Variants in UVRAG observed in about 807,000 individuals in gnomAD.
The protein encoded by UVRAG is UV radiation resistance associated.
UVRAG carries 19 observed loss-of-function variants against 78.0 expected under a neutral mutation model. That is an observed-to-expected ratio of 0.24 (90% CI 0.17 to 0.36). UVRAG has a LOEUF of 0.36. Among genes scored for constraint, UVRAG ranks in the 10% least tolerant of loss-of-function variants. The probability of loss-of-function intolerance (pLI) is 1.00; values close to 1 mark genes in which losing one functional copy is unlikely to be tolerated. For missense variants in UVRAG, 740 were observed against 853.8 expected, an observed-to-expected ratio of 0.87 and a Z score of 1.66; for synonymous variants, 323 against 324.6, an observed-to-expected ratio of 1.00 and a Z score of 0.05.
chr11:76,065,446 C>A (rs997320458), intron 12 of UVRAG, among the ~76,000 whole-genome samples: 3 of 152,210 alleles, frequency 2.0e-5, no homozygotes, highest in African/African-American at 7.2e-5. Context: ...GTGGCCTCAA[C>A]TCCTTGGGGT....
chr11:75,996,381 A>G (rs764378022), intron 8 of UVRAG, among the ~76,000 whole-genome samples: 15 of 152,108 alleles, frequency 9.9e-5, no homozygotes, highest in Non-Finnish European at 1.5e-4. Context: ...ATTTATTCAT[A>G]ATTTGTGGAA....
chr11:75,916,330 G>T (rs1339478886), intron 6 of UVRAG: 1 of 152,076 alleles, frequency 6.6e-6, no homozygotes, highest in African/African-American at 2.4e-5. Flanking sequence ...CTTCTATTAG[G>T]AATATTGTTA....
chr11:75,909,852 A>G (rs2135019941), intron 5 of UVRAG, among the ~76,000 whole-genome samples: 1 of 152,212 alleles, frequency 6.6e-6, no homozygotes, highest in East Asian at 1.9e-4. Flanking sequence ...TTGGTGTATA[A>G]TTTCCTTTGT....
In UVRAG at chr11:76,010,828, G is replaced by A. The variant is rs1258454804; in HGVS notation, c.1060+1961G>A. 3.3e-5 allele frequency among the ~76,000 whole-genome samples: 5 copies of A among 152,148 alleles called. No individual in the cohort carries two copies. The South Asian group carries it at 6.2e-4, about 19-fold the overall frequency. On this transcript the variant is annotated intron_variant, in intron 11 of 14. Transcript: ENST00000356136. ...GCATAGTGAGCGAGGGAAGAGCTAC[G>A]TTAGAAGAGGTAGGAGAGGGCAGCC...
At chr11:76,116,696 G>A (rs1952187304) in intron 14 of UVRAG, among the ~76,000 whole-genome samples, 2 of 152,200 alleles carry the variant, frequency 1.3e-5, no homozygotes, top group Non-Finnish European at 2.9e-5. Flanking sequence ...CTTGGGTAGT[G>A]GGCAGTAACT....
rs1217410221 is a variant in UVRAG, at chr11:75,837,089, G to T, written c.118-14794G>T. 2.9e-3 allele frequency among the ~76,000 whole-genome samples: 446 copies of T among 152,212 alleles called. 6 individuals are homozygous for T. In the East Asian group the frequency reaches 0.073, roughly 25 times the overall value. On this transcript the variant is annotated intron_variant, in intron 1 of 14. Coordinates refer to ENST00000356136, the MANE Select transcript of UVRAG (RefSeq NM_003369.4). ...TCACGCCTGTAATCCCAGCACTTTG[G>T]GAGGCCAAGGTGGGTGGATCCTGAG...
At chr11:75,951,325 ATGTGTG>A (rs71036071) in intron 6 of UVRAG, among the ~76,000 whole-genome samples, 10,077 of 149,484 alleles carry the variant, frequency 0.067, 418 homozygotes, top group African/African-American at 0.12. Context: ...ATAATCTGAA[ATGTGTG>A]TGTGTGTGTG....
intron 2 of UVRAG, among the ~76,000 whole-genome samples, chr11:75,853,811 T>C (rs1446261464): frequency 6.6e-6 from 1 of 152,114 alleles, no homozygotes; most frequent in Non-Finnish European, 1.5e-5. Flanking sequence ...CTCGCTCCGT[T>C]GCCCAGGCTG....
chr11:75,979,930 C>G (rs572118762), intron 7 of UVRAG: 2 of 153,294 alleles, frequency 1.3e-5, no homozygotes, highest in Non-Finnish European at 2.9e-5. Context: ...CCCGGCACCT[C>G]AATTGGAAAT....
intron 6 of UVRAG, among the ~76,000 whole-genome samples, chr11:75,949,870 T>C (rs1195389478): frequency 6.6e-6 from 1 of 152,028 alleles, no homozygotes; most frequent in Non-Finnish European, 1.5e-5. Flanking sequence ...TATAGAGTAT[T>C]TTCATTATCC....
intron 1 of UVRAG, among the ~76,000 whole-genome samples, chr11:75,830,576 T>C (rs1346004410): frequency 6.6e-6 from 1 of 152,012 alleles, no homozygotes; most frequent in Non-Finnish European, 1.5e-5. Flanking sequence ...CGGCCGTAAG[T>C]ATTCTTTAAT....
intron 13 of UVRAG, among the ~76,000 whole-genome samples, chr11:76,066,693 G>A (rs972128972): frequency 2.6e-5 from 4 of 152,030 alleles, no homozygotes; most frequent in Admixed American, 6.5e-5. Flanking sequence ...AGATGGTCTC[G>A]ATCTGCTGAC....
chr11:76,092,407 C>T (rs1488062156), intron 13 of UVRAG, among the ~76,000 whole-genome samples: 2 of 152,148 alleles, frequency 1.3e-5, no homozygotes, highest in Admixed American at 6.5e-5. Context: ...CTTGAGGAAT[C>T]GCCACACTGT....
At chr11:75,877,455 C>CG (rs941396447) in intron 3 of UVRAG, among the ~76,000 whole-genome samples, 1 of 150,686 alleles carries the variant, frequency 6.6e-6, no homozygotes. Flanking sequence ...ACCTCCCGGA[C>CG]GGGGGGTGAC....
chr11:75,946,603 G>A (rs1948593353), intron 6 of UVRAG, among the ~76,000 whole-genome samples: 1 of 152,134 alleles, frequency 6.6e-6, no homozygotes, highest in South Asian at 2.1e-4. Flanking sequence ...TGGAGCTCAG[G>A]GTCCTTGTTT....
chr11:75,924,409 G>A (rs534685768), intron 6 of UVRAG, among the ~76,000 whole-genome samples: 113 of 149,918 alleles, frequency 7.5e-4, no homozygotes, highest in Non-Finnish European at 1.2e-3. Flanking sequence ...TTTTTGTGAC[G>A]GAGTCTCGCT....
rs115126616 is a variant in UVRAG at position 75,994,517 on chromosome 11, A to T, written c.827-9488A>T. On this transcript the variant is annotated intron_variant, in intron 8 of 14. Coordinates refer to ENST00000356136, the MANE Select transcript of UVRAG (RefSeq NM_003369.4). ...AAAACTTTGCAAAACATTCGTTTGA[A>T]TCCCACATAAATCACATGAAGTAGA... 8.4e-3 allele frequency among the ~76,000 whole-genome samples: 1,285 copies of T among 152,314 alleles called. 23 individuals carry two copies. The highest frequency in any genetic ancestry group is 0.029 in the African/African-American group (1,226 of 41,570).
At chr11:75,914,128 A>G (rs1342424522) in intron 6 of UVRAG, 30 of 152,246 alleles carry the variant, frequency 2.0e-4, no homozygotes, top group Admixed American at 2.0e-3. Flanking sequence ...ATTAAAGTTG[A>G]TGAGTCAGAT....
At chr11:75,875,152 T>C (rs541758647) in intron 3 of UVRAG, among the ~76,000 whole-genome samples, 1 of 152,378 alleles carries the variant, frequency 6.6e-6, no homozygotes, top group Non-Finnish European at 1.5e-5. Flanking sequence ...CTACTCATTT[T>C]ATCATGTCAG....
Sources: allele counts gnomAD v4.1 joint callset (sites outside exome capture counted in the v4.1 genomes callset), GRCh38; gene constraint gnomAD v4.1.1; transcripts MANE v1.5; gene names NCBI Gene and HGNC (gene_info 2026-07-23, HGNC 2026-07-21).